SCN7A: variants seen among roughly 807,000 people sequenced by gnomAD.
The protein encoded by SCN7A is sodium channel protein type 7 subunit alpha.
SCN7A carries 138 observed loss-of-function variants against 155.2 expected under a neutral mutation model. That is an observed-to-expected ratio of 0.89 (90% confidence interval 0.77 to 1.02). The LOEUF (loss-of-function observed/expected upper bound fraction) is 1.02, where lower values mean the gene tolerates loss of function less well. Among genes scored for constraint, SCN7A ranks in the 50% least tolerant of loss-of-function variants. The pLI is 0.00. For missense variants in SCN7A, 2,058 were observed against 1,986.6 expected (o/e 1.04, Z -0.68); for synonymous variants, 693 against 649.0 (o/e 1.07, Z -1.03).
intron 2 of SCN7A, among the ~76,000 whole-genome samples, chr2:166,478,712 G>T (rs1702855482): frequency 6.6e-6 from 1 of 151,728 alleles, no homozygotes; most frequent in Admixed American, 6.6e-5. Context: ...TATGATTCTT[G>T]AATACTATTT....
At chr2:166,410,168 T>A (rs1701168903) in intron 24 of SCN7A, 52 bp downstream of exon 24, 1 of 1,311,930 alleles carries the variant, frequency 7.6e-7, no homozygotes. Flanking sequence ...TAAAAGAGAA[T>A]ATATAAAGAA....
intron 12 of SCN7A, among the ~76,000 whole-genome samples, chr2:166,446,201 T>G (rs1702059409): frequency 6.6e-6 from 1 of 152,028 alleles, no homozygotes; most frequent in Non-Finnish European, 1.5e-5. Flanking sequence ...CATCAAAAAG[T>G]GGGCGAAGGA....
intron 19 of SCN7A, 75 bp downstream of exon 19, chr2:166,423,184 G>A (rs1701547393): frequency 2.1e-6 from 3 of 1,409,104 alleles, no homozygotes; most frequent in African/African-American, 2.9e-5. Flanking sequence ...ATAACAAACT[G>A]ACAGGAAGTG....
At chr2:166,470,185 C>G (rs1234381211) in intron 7 of SCN7A, among the ~76,000 whole-genome samples, 1 of 151,710 alleles carries the variant, frequency 6.6e-6, no homozygotes, top group African/African-American at 2.4e-5. Flanking sequence ...GCACCCTATC[C>G]AAGCACTCAA....
rs1701156180 is a variant in SCN7A, at chr2:166,409,780, A to T, written c.3867T>A (p.Ile1289=). Residue 1289 remains isoleucine, a synonymous_variant, in exon 25 of 26, where the codon ATT becomes ATA. Transcript: ENST00000643258. ...ATTCCATAGTATATAGCATAACAAA[A>T]ATTGAGTTAATCCAGTAGAGAGCAA... ...MSIALYWINS[I]FVMLYTMECI... 3 of 1,568,418 alleles carry T rather than the reference A, an allele frequency of 1.9e-6. No individual in the cohort carries two copies. In the South Asian group the frequency reaches 3.5e-5, roughly 18 times the overall value.
intron 10 of SCN7A, 101 bp from the exon 11 acceptor site, chr2:166,457,177 T>G: frequency 1.3e-6 from 1 of 782,966 alleles, no homozygotes; most frequent in East Asian, 2.7e-5. Context: ...AGGAAAATAA[T>G]ATAGTCATAA....
chr2:166,414,127 T>TA (rs1190714982), intron 21 of SCN7A, among the ~76,000 whole-genome samples: 5 of 84,042 alleles, frequency 5.9e-5, no homozygotes, highest in Admixed American at 1.8e-4. Flanking sequence ...ATATAATATA[T>TA]TATATATATG....
At chr2:166,425,191 G>A (rs1337019665) in intron 18 of SCN7A, among the ~76,000 whole-genome samples, 3 of 152,212 alleles carry the variant, frequency 2.0e-5, no homozygotes, top group Non-Finnish European at 4.4e-5. Flanking sequence ...GCCTACAATA[G>A]GGTAGGTGTC....
rs1350654371 is a variant in SCN7A, at chr2:166,472,400, G to C, written c.489C>G (p.Leu163=). 1 of 1,607,084 alleles carries C rather than the reference G, an allele frequency of 6.2e-7. No homozygotes were observed. The highest frequency in any genetic ancestry group is 8.5e-7 in the Non-Finnish European group (1 of 1,175,602). The change falls in exon 6 of 26, where the codon CTC becomes CTG. Residue 163 remains leucine (L), a synonymous_variant. Coordinates refer to ENST00000643258, the MANE Select transcript of SCN7A (RefSeq NM_002976.4). ...GIYTFEILVK[L]FARGVWAGSF... ...ATCCTGCCCAGACACCTCTTGCAAA[G>C]AGTTTTACAAGTATTTCAAATGTGT...
intron 20 of SCN7A, among the ~76,000 whole-genome samples, chr2:166,419,360 T>C (rs914668429): frequency 4.1e-5 from 6 of 147,114 alleles, no homozygotes; most frequent in African/African-American, 1.5e-4. Context: ...AATGTGGCTG[T>C]CTTTTTTTTT....
intron 15 of SCN7A, among the ~76,000 whole-genome samples, chr2:166,439,039 A>ATGTGTG (rs562968796): frequency 9.2e-5 from 6 of 65,156 alleles, no homozygotes; most frequent in Non-Finnish European, 1.2e-4. Context: ...ACACATACAT[A>ATGTGTG]TATGTGTGTG....
chr2:166,417,047 C>T, intron 20 of SCN7A, 62 bp from the exon 21 acceptor site: 1 of 1,312,456 alleles, frequency 7.6e-7, no homozygotes, highest in South Asian at 1.5e-5. Context: ...AGTTTTTGAT[C>T]AGTTTGAAAA....
In SCN7A at chr2:166,447,686, A is replaced by T. The variant is rs1447878939; in HGVS notation, c.1313T>A (p.Met438Lys). ...TDEAKTIQIEMKKRSPISTDT... is the reference protein window; with the variant it reads ...TDEAKTIQIEKKKRSPISTDT... Reference sequence around the variant, plus strand: ...TGTGGAAATTGGTGACCTTTTCTTCATTTCTATTTGTATGGTCTTGGCCTG... The same window carrying T: ...TGTGGAAATTGGTGACCTTTTCTTCTTTTCTATTTGTATGGTCTTGGCCTG... Residue 438 changes from methionine (M) to lysine (K), a missense_variant, in exon 12 of 26, where the codon ATG becomes AAG. Met to Lys is a moderately conservative substitution (Grantham distance 95). Transcript: ENST00000643258. 6.2e-7 allele frequency: 1 copy of T among 1,612,928 alleles called. No homozygotes were observed. Among genetic ancestry groups the T allele is most frequent in the Non-Finnish European group, 8.5e-7 (1 of 1,179,258 alleles).
At chr2:166,438,189 C>T (rs968395102) in intron 15 of SCN7A, among the ~76,000 whole-genome samples, 1 of 152,064 alleles carries the variant, frequency 6.6e-6, no homozygotes, top group African/African-American at 2.4e-5. Flanking sequence ...TACCTCCATG[C>T]TATTCTCATG....
intron 15 of SCN7A, chr2:166,440,533 G>A (rs748116821): frequency 3.3e-5 from 5 of 151,984 alleles, no homozygotes; most frequent in Admixed American, 1.3e-4. Flanking sequence ...TCATATATGC[G>A]ATTTTACATT....
intron 8 of SCN7A, 70 bp downstream of exon 8, chr2:166,465,711 T>C: frequency 6.6e-7 from 1 of 1,519,798 alleles, no homozygotes. Flanking sequence ...GTGTTCAACA[T>C]TTCTGGGAAG....
chr2:166,414,020 G>A (rs76391896), intron 21 of SCN7A, among the ~76,000 whole-genome samples: 149 of 46,844 alleles, frequency 3.2e-3, no homozygotes, highest in Non-Finnish European at 4.0e-3. Flanking sequence ...CTATATATAT[G>A]TAAATATATA....
chr2:166,475,080 G>GTATATATA (rs201255081), intron 3 of SCN7A, among the ~76,000 whole-genome samples: 1 of 85,882 alleles, frequency 1.2e-5, no homozygotes, highest in African/African-American at 3.7e-5. Context: ...TTATATTTGT[G>GTATATATA]TATATATATA....
chr2:166,443,290 C>CT (rs1285391802), intron 14 of SCN7A, among the ~76,000 whole-genome samples: 4 of 152,132 alleles, frequency 2.6e-5, no homozygotes, highest in Non-Finnish European at 5.9e-5. Context: ...AATTTGCTGC[C>CT]TATATGGCAT....
Sources: gnomAD v4.1 joint callset for allele counts (sites outside exome capture counted in the v4.1 genomes callset) on GRCh38, gnomAD v4.1.1 for gene constraint, MANE v1.5 for transcripts, NCBI Gene and HGNC (gene_info 2026-07-23, HGNC 2026-07-21) for gene names.